KLHL13: variants seen among roughly 807,000 people sequenced by gnomAD.
KLHL13 encodes the protein kelch like family member 13.
Under a neutral mutation model 37.1 loss-of-function variants are expected in KLHL13, and 10 were observed. That is an observed-to-expected ratio of 0.27 (90% CI 0.17 to 0.46). The LOEUF is 0.46. Among genes scored for constraint, KLHL13 ranks in the 20% least tolerant of loss-of-function variants. The probability of loss-of-function intolerance (pLI) is 1.00; values close to 1 mark genes in which losing one functional copy is unlikely to be tolerated. For synonymous variants in KLHL13, 163 were observed against 181.2 expected, an observed-to-expected ratio of 0.90 and a Z score of 0.81; for missense variants, 360 against 509.3, an observed-to-expected ratio of 0.71 and a Z score of 2.82.
chrX:117,976,154 T>C (rs950373180), upstream of KLHL13, among the ~76,000 whole-genome samples: 10 of 111,453 alleles, frequency 9.0e-5, no homozygotes, highest in African/African-American at 3.3e-4. Flanking sequence ...TCCTCAGCAC[T>C]CTAAAACACC....
intron 1 of KLHL13, among the ~76,000 whole-genome samples, chrX:118,029,848 G>C (rs1487714136): frequency 9.1e-6 from 1 of 110,062 alleles, no homozygotes; most frequent in East Asian, 2.9e-4. Flanking sequence ...TGTGCCTGTA[G>C]ACCCAGCTAC....
intron 1 of KLHL13, among the ~76,000 whole-genome samples, chrX:118,012,386 AT>A (rs1253352522): frequency 2.7e-5 from 3 of 109,713 alleles, no homozygotes; most frequent in East Asian, 2.9e-4. Context: ...TGTTGTTGTT[AT>A]TTTTTTTCCC....
At chrX:117,908,170 C>A (rs1015964677) in intron 5 of KLHL13, among the ~76,000 whole-genome samples, 3 of 108,118 alleles carry the variant, frequency 2.8e-5, no homozygotes, top group African/African-American at 1.0e-4. Flanking sequence ...CAGGCATGAG[C>A]CACATCTGGC....
chrX:117,969,429 G>A (rs1037615548), intron 1 of KLHL13, among the ~76,000 whole-genome samples: 1 of 111,546 alleles, frequency 9.0e-6, no homozygotes, highest in African/African-American at 3.3e-5. Flanking sequence ...TATTAATTTA[G>A]GCTAAATGAC....
At chrX:118,052,777 A>T (rs1306851776) in intron 1 of KLHL13, among the ~76,000 whole-genome samples, 2 of 110,040 alleles carry the variant, frequency 1.8e-5, no homozygotes, top group Non-Finnish European at 3.8e-5. Flanking sequence ...CAGTGAGCCA[A>T]GATCGTACCA....
At chrX:117,957,561 A>G (rs1330343352) in intron 1 of KLHL13, among the ~76,000 whole-genome samples, 1 of 112,445 alleles carries the variant, frequency 8.9e-6, no homozygotes, top group Non-Finnish European at 1.9e-5. Flanking sequence ...TAATGTGTAA[A>G]AGCCATTGTA....
intron 1 of KLHL13, among the ~76,000 whole-genome samples, chrX:118,092,373 G>A (rs1377935299): frequency 1.8e-5 from 2 of 111,083 alleles, no homozygotes; most frequent in African/African-American, 6.5e-5. Flanking sequence ...CAGAAACCAT[G>A]GAGGCCATAA....
chrX:117,994,934 C>A (rs2053837893), intron 1 of KLHL13, among the ~76,000 whole-genome samples: 1 of 111,399 alleles, frequency 9.0e-6, no homozygotes, highest in Admixed American at 9.5e-5. Context: ...GTGGTACATG[C>A]CTGTGAGGGA....
chrX:117,914,993 T>C lies in KLHL13; in HGVS notation c.570+4528A>G, dbSNP rs747770950. 4.5e-5 allele frequency among the ~76,000 whole-genome samples: 5 copies of C among 111,751 alleles called. No individual in the cohort carries two copies. In the Admixed American group the frequency reaches 4.7e-4, roughly 11 times the overall value. ...ACCAATCAGAATGGATGGCCGACCA[T>C]AAGCAACGGGGATGGCCTTCTATGT... On this transcript the variant is annotated intron_variant, in intron 4 of 6. Transcript: ENST00000262820.
intron 2 of KLHL13, among the ~76,000 whole-genome samples, chrX:117,933,510 A>G (rs1281010557): frequency 1.8e-5 from 2 of 111,875 alleles, no homozygotes; most frequent in Admixed American, 1.9e-4. Flanking sequence ...CCAACTATAA[A>G]TAGGTTAAAT....
At chrX:117,902,002 T>C in intron 5 of KLHL13, 56 bp from the exon 7 acceptor site, 2 of 628,966 alleles carry the variant, frequency 3.2e-6, no homozygotes, top group South Asian at 5.6e-5. Flanking sequence ...TAGCAATTAA[T>C]TATTTTTCTC....
intron 1 of KLHL13, among the ~76,000 whole-genome samples, chrX:118,032,488 C>A (rs958520855): frequency 8.9e-6 from 1 of 111,904 alleles, no homozygotes; most frequent in African/African-American, 3.3e-5. Flanking sequence ...CAGCCTGACA[C>A]CTCACAGGGC....
intron 1 of KLHL13, among the ~76,000 whole-genome samples, chrX:118,090,202 G>C (rs1284782169): frequency 9.0e-6 from 1 of 110,701 alleles, no homozygotes; most frequent in African/African-American, 3.3e-5. Flanking sequence ...GAAAACCTAG[G>C]CAATACCATT....
intron 1 of KLHL13, among the ~76,000 whole-genome samples, chrX:117,961,216 C>A (rs140309677): frequency 0.012 from 1,311 of 111,857 alleles, 20 homozygotes; most frequent in African/African-American, 0.04. Flanking sequence ...GATAATTCCA[C>A]TTTTTAATAA....
intron 2 of KLHL13, among the ~76,000 whole-genome samples, chrX:117,926,781 C>G (rs1467091564): frequency 1.9e-5 from 2 of 105,915 alleles, no homozygotes; most frequent in Non-Finnish European, 3.9e-5. Flanking sequence ...CACCCCCTAT[C>G]TTATATTTCC....
intron 1 of KLHL13, among the ~76,000 whole-genome samples, chrX:118,079,857 C>A (rs766506163): frequency 4.5e-5 from 5 of 111,445 alleles, no homozygotes; most frequent in South Asian, 7.6e-4. Flanking sequence ...AAGCCAGAGG[C>A]ATCACACTAC....
intron 2 of KLHL13, among the ~76,000 whole-genome samples, chrX:117,936,787 G>A (rs1932775069): frequency 9.0e-6 from 1 of 111,205 alleles, no homozygotes; most frequent in Non-Finnish European, 1.9e-5. Flanking sequence ...TTCCCTGTGA[G>A]ACCTTCTCCA....
At chrX:118,031,410 T>G (rs1172189364) in intron 1 of KLHL13, among the ~76,000 whole-genome samples, 1 of 100,243 alleles carries the variant, frequency 1.0e-5, no homozygotes, top group African/African-American at 3.6e-5. Context: ...ACTAAAACTT[T>G]TAGCCAGGGA....
chrX:118,028,730 A>T (rs1268255274), intron 1 of KLHL13, among the ~76,000 whole-genome samples: 1 of 112,403 alleles, frequency 8.9e-6, no homozygotes, highest in African/African-American at 3.2e-5. Flanking sequence ...AATACTATTG[A>T]CTAAATTTCA....
Sources: allele counts gnomAD v4.1 joint callset (sites outside exome capture counted in the v4.1 genomes callset), GRCh38; gene constraint gnomAD v4.1.1; transcripts MANE v1.5; gene names NCBI Gene and HGNC (gene_info 2026-07-23, HGNC 2026-07-21).